Variants in PTPN4 observed in about 807,000 individuals in gnomAD.
PTPN4 encodes the protein protein tyrosine phosphatase non-receptor type 4.
PTPN4 carries 49 observed loss-of-function variants against 135.5 expected under a neutral mutation model. That is an observed-to-expected ratio of 0.36 (90% CI 0.29 to 0.46). The LOEUF (loss-of-function observed/expected upper bound fraction) is 0.46. Ranked by LOEUF, PTPN4 falls within the 20% of genes least tolerant of loss-of-function variation. The pLI, the probability that PTPN4 is intolerant of heterozygous loss-of-function variation, is 1.00. For synonymous variants in PTPN4, 333 were observed against 369.9 expected (o/e 0.90, Z 1.14); for missense variants, 860 against 1,101.0 (o/e 0.78, Z 3.10).
At chr2:119,839,685 G>C (rs752266850) in intron 2 of PTPN4, among the ~76,000 whole-genome samples, 1 of 152,178 alleles carries the variant, frequency 6.6e-6, no homozygotes, top group Admixed American at 6.5e-5. Flanking sequence ...ATTATGAATA[G>C]TATTTGAAGA....
intron 2 of PTPN4, among the ~76,000 whole-genome samples, chr2:119,861,765 G>A (rs1169810584): frequency 6.6e-6 from 1 of 151,840 alleles, no homozygotes; most frequent in Non-Finnish European, 1.5e-5. Context: ...ATTTTTTATT[G>A]GAGGGGGATT....
chr2:119,914,248 ATTTTTTTTTTTTTT>A (rs55911315), intron 10 of PTPN4, among the ~76,000 whole-genome samples: 11 of 97,432 alleles, frequency 1.1e-4, no homozygotes, highest in Admixed American at 2.0e-4. Flanking sequence ...TAGTTACTCA[ATTTTTTTTTTTTTT>A]TTTTTTTTTT....
At chr2:119,950,259 A>T (rs1679193528) in intron 18 of PTPN4, among the ~76,000 whole-genome samples, 1 of 152,184 alleles carries the variant, frequency 6.6e-6, no homozygotes, top group South Asian at 2.1e-4. Flanking sequence ...AAAAACTTGG[A>T]ACTAATTGGT....
chr2:119,900,611 T>C, intron 9 of PTPN4, 107 bp from the exon 10 acceptor site: 1 of 615,718 alleles, frequency 1.6e-6, no homozygotes, highest in Non-Finnish European at 2.6e-6. Context: ...TTGCAACCTT[T>C]GAAAATGCAA....
intron 10 of PTPN4, among the ~76,000 whole-genome samples, chr2:119,908,927 C>T (rs958197436): frequency 6.6e-6 from 1 of 152,112 alleles, no homozygotes; most frequent in African/African-American, 2.4e-5. Context: ...ATACATGAAA[C>T]CAGCCACAGC....
At chr2:119,941,764 C>A (rs886127923) in intron 15 of PTPN4, among the ~76,000 whole-genome samples, 5 of 152,190 alleles carry the variant, frequency 3.3e-5, no homozygotes, top group African/African-American at 1.2e-4. Context: ...ATCCCAACCT[C>A]AGCATTTATA....
At chr2:119,955,529 A>C (rs927976718) in intron 20 of PTPN4, among the ~76,000 whole-genome samples, 1 of 152,234 alleles carries the variant, frequency 6.6e-6, no homozygotes, top group African/African-American at 2.4e-5. Context: ...AATATGTTTT[A>C]AAAAGAGGGA....
At chr2:119,770,879 T>C (rs1248889843) in intron 1 of PTPN4, among the ~76,000 whole-genome samples, 1 of 128,970 alleles carries the variant, frequency 7.8e-6, no homozygotes, top group Non-Finnish European at 1.7e-5. Flanking sequence ...AGGGTCTAAC[T>C]TTTTTTTTTT....
chr2:119,946,512 T>C lies in PTPN4; in HGVS notation c.1600-6T>C. 1 of 1,607,904 alleles carries C rather than the reference T, an allele frequency of 6.2e-7. No homozygotes were observed. The highest frequency in any genetic ancestry group is 8.5e-7 in the Non-Finnish European group (1 of 1,176,354). Reference sequence around the variant, plus strand: ...TGACTAACATTTTACTTATTCTCTTTTTAAGGGAGGATATGATCAGAAGAT... The same window carrying C: ...TGACTAACATTTTACTTATTCTCTTCTTAAGGGAGGATATGATCAGAAGAT... On this transcript the variant is annotated splice_region_variant and splice_polypyrimidine_tract_variant and intron_variant, in intron 17 of 26. Transcript: ENST00000263708.
intron 9 of PTPN4, among the ~76,000 whole-genome samples, chr2:119,896,430 A>T (rs766345995): frequency 4.6e-5 from 7 of 152,204 alleles, no homozygotes; most frequent in Non-Finnish European, 1.0e-4. Flanking sequence ...TCACATATTC[A>T]TAATGTAATT....
In PTPN4 at chr2:119,984,885, C is replaced by T. The variant is rs181164132; in HGVS notation, c.*7815C>T. Among the ~76,000 whole-genome samples the T allele has an allele frequency of 1.3e-5, 2 of 152,248 alleles. No individual in the cohort carries two copies. The highest frequency in any genetic ancestry group is 4.8e-5 in the African/African-American group (2 of 41,544). ...TGTTCAATTGCAAAATAAAGATGTG[C>T]TTTAGTAATCTAAAGTACAGAAGTT... On this transcript the variant is annotated 3_prime_UTR_variant, in exon 27 of 27. Transcript: ENST00000263708.
intron 10 of PTPN4, among the ~76,000 whole-genome samples, chr2:119,913,689 C>A (rs1341815302): frequency 6.6e-6 from 1 of 152,034 alleles, no homozygotes; most frequent in Non-Finnish European, 1.5e-5. Flanking sequence ...ATTGTAAAAC[C>A]TCTGATGTCA....
Position 119,912,529 on chromosome 2 carries a change from T to C in PTPN4, c.765-2650T>C, listed in dbSNP as rs146644685. 5.4e-4 allele frequency among the ~76,000 whole-genome samples: 82 copies of C among 152,318 alleles called. No homozygotes were observed. The East Asian group carries it at 0.015, about 28-fold the overall frequency. The stretch of plus-strand genomic sequence containing the variant: ...GCTGCTTTCCAAAACCATGTGAAAG[T>C]TAATCAGTAAAACAGTATAAAATAG... On this transcript the variant is annotated intron_variant, in intron 10 of 26. Coordinates refer to ENST00000263708, the MANE Select transcript of PTPN4 (RefSeq NM_002830.4).
chr2:119,892,242 G>C (rs1300094002), intron 9 of PTPN4, among the ~76,000 whole-genome samples: 2 of 152,154 alleles, frequency 1.3e-5, no homozygotes, highest in Non-Finnish European at 2.9e-5. Context: ...TTTATTAACT[G>C]GGAGACTCAT....
At chr2:119,968,929 G>T (rs1679486060) in intron 26 of PTPN4, among the ~76,000 whole-genome samples, 1 of 152,186 alleles carries the variant, frequency 6.6e-6, no homozygotes, top group African/African-American at 2.4e-5. Flanking sequence ...ATTATCTTTT[G>T]CACTGATTAA....
chr2:119,892,175 G>A (rs1678249991), intron 9 of PTPN4, among the ~76,000 whole-genome samples: 1 of 152,132 alleles, frequency 6.6e-6, no homozygotes, highest in Admixed American at 6.5e-5. Flanking sequence ...TCAGTAACTA[G>A]CAAAATACCA....
rs1026295416 is a variant in PTPN4, at chr2:119,978,065, T to C, written c.*995T>C. 2 of 152,202 alleles carry C rather than the reference T, an allele frequency of 1.3e-5. No homozygotes were observed. Among genetic ancestry groups the C allele is most frequent in the Admixed American group, 6.5e-5 (1 of 15,278 alleles). The allele number at this position is 152,202 out of a possible 1,614,324, so 9.4% of individuals were successfully genotyped here. A position where few individuals can be genotyped will look rare whatever the true frequency, so the allele number is the denominator to read the frequency against. On this transcript the variant is annotated 3_prime_UTR_variant, in exon 27 of 27. Transcript: ENST00000263708. ...TTGTGTTCTACTGAGTGCACACTGC[T>C]GCTATGGAATTGTTCAAAATCTGCA...
intron 2 of PTPN4, among the ~76,000 whole-genome samples, chr2:119,837,822 C>T (rs1295191880): frequency 6.6e-6 from 1 of 152,238 alleles, no homozygotes. Flanking sequence ...TTCAGGTGCC[C>T]GCATCGGAAG....
chr2:119,885,099 A>T (rs143304307), intron 8 of PTPN4, among the ~76,000 whole-genome samples: 1 of 152,230 alleles, frequency 6.6e-6, no homozygotes, highest in Non-Finnish European at 1.5e-5. Flanking sequence ...TCTAAATCAG[A>T]CTCTACAGAA....
Sources: gnomAD v4.1 joint callset for allele counts (sites outside exome capture counted in the v4.1 genomes callset) on GRCh38, gnomAD v4.1.1 for gene constraint, MANE v1.5 for transcripts, NCBI Gene and HGNC (gene_info 2026-07-23, HGNC 2026-07-21) for gene names.